The following DENND5B variants were observed in gnomAD, a reference collection of about 807,000 sequenced individuals.
DENND5B encodes DENN domain containing 5B, also known as DENN domain-containing protein 5B.
DENND5B carries 34 observed loss-of-function variants against 140.6 expected under a neutral mutation model. That is an observed-to-expected ratio of 0.24 (90% CI 0.18 to 0.32). The LOEUF (loss-of-function observed/expected upper bound fraction) is 0.32. Ranked by LOEUF, DENND5B falls within the 10% of genes least tolerant of loss-of-function variation. The pLI, the probability that DENND5B is intolerant of heterozygous loss-of-function variation, is 1.00. For missense variants in DENND5B, 1,142 were observed against 1,560.2 expected (o/e 0.73, Z 4.52); for synonymous variants, 551 against 562.1 (o/e 0.98, Z 0.28).
At chr12:31,578,126 CAAAAAAAAAAAA>C (rs5797421) in intron 1 of DENND5B, among the ~76,000 whole-genome samples, 40 of 77,314 alleles carry the variant, frequency 5.2e-4, no homozygotes, top group African/African-American at 1.9e-3. Context: ...GACGCTGTCT[CAAAAAAAAAAAA>C]AAAAAAAAAA....
At chr12:31,400,924 C>A (rs1354894079) in intron 15 of DENND5B, among the ~76,000 whole-genome samples, 1 of 150,220 alleles carries the variant, frequency 6.7e-6, no homozygotes, top group African/African-American at 2.4e-5. Context: ...CTCACCACAA[C>A]CTCCGCCTCC....
At chr12:31,423,182 C>T (rs1023115475) in intron 11 of DENND5B, among the ~76,000 whole-genome samples, 2 of 152,102 alleles carry the variant, frequency 1.3e-5, no homozygotes, top group African/African-American at 4.8e-5. Flanking sequence ...CTCAGGTGAT[C>T]TGCCCACCTT....
chr12:31,410,681 AG>A (rs1237533742), intron 13 of DENND5B, among the ~76,000 whole-genome samples: 1 of 152,174 alleles, frequency 6.6e-6, no homozygotes, highest in African/African-American at 2.4e-5. Flanking sequence ...CTGGGATTAC[AG>A]GAGTGAGCCA....
chr12:31,511,922 T>TTC (rs1491516270), intron 1 of DENND5B, among the ~76,000 whole-genome samples: 5 of 12,362 alleles, frequency 4.0e-4, no homozygotes, highest in African/African-American at 3.3e-3. Flanking sequence ...TCCACTGCCC[T>TTC]TTTTTTTTTT....
chr12:31,562,196 C>T (rs1368292889), intron 1 of DENND5B, among the ~76,000 whole-genome samples: 1 of 152,098 alleles, frequency 6.6e-6, no homozygotes, highest in African/African-American at 2.4e-5. Context: ...TACTATCTGG[C>T]CAGCCCTACC....
rs373128004 is a variant in DENND5B, at chr12:31,582,114, C to A, written c.127+8592G>T. Among the ~76,000 whole-genome samples the A allele has an allele frequency of 7.9e-5, 12 of 152,296 alleles. No homozygotes were observed. The East Asian group carries it at 2.3e-3, about 29-fold the overall frequency. On this transcript the variant is annotated intron_variant, in intron 1 of 20. Transcript: ENST00000389082. Reference sequence around the variant, plus strand: ...GATGGTTTAATCCACAGATGTGGAACCCACACACATGGAGGGCTGACTATA... The same window carrying A: ...GATGGTTTAATCCACAGATGTGGAAACCACACACATGGAGGGCTGACTATA...
Position 31,447,517 on chromosome 12 carries a change from TA to T in DENND5B, c.1861+20del. 6.3e-7 allele frequency: 1 copy of T among 1,579,580 alleles called. No homozygotes were observed. On this transcript the variant is annotated intron_variant, in intron 6 of 20. Transcript: ENST00000389082. ...AGCGATAATGGATTTTAATTTAATT[TA>T]AAAGGCATGGCAAATGTACCTGCTT...
At chr12:31,581,479 G>C (rs10843970) in intron 1 of DENND5B, among the ~76,000 whole-genome samples, 61,469 of 151,800 alleles carry the variant, frequency 0.4, 12,959 homozygotes, top group East Asian at 0.57. Context: ...ACCTGAGGTC[G>C]GGAGCCCGAG....
intron 8 of DENND5B, 74 bp downstream of exon 8, chr12:31,433,078 CAAT>C (rs1412987669): frequency 1.7e-6 from 2 of 1,193,030 alleles, no homozygotes; most frequent in Non-Finnish European, 2.5e-6. Context: ...AGAATCTACA[CAAT>C]GACATCTGCT....
At chr12:31,547,978 C>A (rs11051456) in intron 1 of DENND5B, among the ~76,000 whole-genome samples, 342 of 152,096 alleles carry the variant, frequency 2.2e-3, no homozygotes, top group Non-Finnish European at 3.8e-3. Flanking sequence ...AGTGCTGGGA[C>A]TGAAGGTGTG....
At chr12:31,535,850 A>G (rs1298354102) in intron 1 of DENND5B, among the ~76,000 whole-genome samples, 1 of 152,188 alleles carries the variant, frequency 6.6e-6, no homozygotes, top group East Asian at 1.9e-4. Flanking sequence ...TGTGACTGAT[A>G]TGGTTTGAAT....
intron 20 of DENND5B, among the ~76,000 whole-genome samples, chr12:31,388,878 T>C (rs757545153): frequency 1.3e-4 from 20 of 152,220 alleles, no homozygotes; most frequent in Non-Finnish European, 2.5e-4. Flanking sequence ...TGTATGTGTC[T>C]AGTTATCTAA....
chr12:31,562,628 G>GAAATA lies in DENND5B; in HGVS notation c.127+28073_127+28077dup, dbSNP rs1221197995. Among the ~76,000 whole-genome samples, 52 of 151,752 alleles carry GAAATA rather than the reference G, an allele frequency of 3.4e-4. 1 individual carries two copies. The East Asian group carries it at 6.8e-3, about 20-fold the overall frequency. ...AAACTCTGTCTTTAAAAAAAAAAAT[G>GAAATA]AAATAAAATAAAATAAAATAAAAGG... On this transcript the variant is annotated intron_variant, in intron 1 of 20. Transcript: ENST00000389082.
chr12:31,459,160 G>A (rs962194440), intron 4 of DENND5B, among the ~76,000 whole-genome samples: 67 of 151,136 alleles, frequency 4.4e-4, no homozygotes, highest in Non-Finnish European at 6.5e-4. Flanking sequence ...CCAAGATCCC[G>A]CCATTGCACT....
At chr12:31,557,072 T>C (rs967732302) in intron 1 of DENND5B, among the ~76,000 whole-genome samples, 3 of 152,226 alleles carry the variant, frequency 2.0e-5, no homozygotes, top group Non-Finnish European at 4.4e-5. Context: ...ATAATGTAGA[T>C]ATAAAATGGA....
chr12:31,399,920 AC>A, intron 15 of DENND5B, 148 bp from the exon 16 acceptor site: 1 of 589,958 alleles, frequency 1.7e-6, no homozygotes, highest in Non-Finnish European at 3.0e-6. Context: ...AAATATATTC[AC>A]ATATATTCCT....
chr12:31,590,590 G>A (rs1950586557), intron 1 of DENND5B, 116 bp downstream of exon 1: 3 of 1,211,332 alleles, frequency 2.5e-6, no homozygotes, highest in South Asian at 2.0e-5. Context: ...GAAAGCGGCG[G>A]GAGGGCGCCA....
intron 9 of DENND5B, among the ~76,000 whole-genome samples, chr12:31,425,694 T>C (rs939478338): frequency 2.0e-5 from 3 of 152,212 alleles, no homozygotes; most frequent in South Asian, 4.1e-4. Flanking sequence ...TTCACCACTA[T>C]ATACTGATGC....
intron 7 of DENND5B, among the ~76,000 whole-genome samples, chr12:31,434,264 G>A (rs1394759475): frequency 6.6e-6 from 1 of 152,104 alleles, no homozygotes; most frequent in Non-Finnish European, 1.5e-5. Context: ...CATTCTCTCT[G>A]ATCTTATATC....
Sources: allele counts gnomAD v4.1 joint callset (sites outside exome capture counted in the v4.1 genomes callset), GRCh38; gene constraint gnomAD v4.1.1; transcripts MANE v1.5; gene names NCBI Gene and HGNC (gene_info 2026-07-23, HGNC 2026-07-21).